RDH8: variants seen among roughly 807,000 people sequenced by gnomAD.
RDH8 encodes the protein retinol dehydrogenase 8.
A neutral mutation model predicts 22.3 loss-of-function variants in RDH8; 14 were observed. The ratio of observed to expected loss-of-function variants is 0.63; its 90% CI spans 0.42 to 0.98. RDH8 has a LOEUF of 0.98. Among genes scored for constraint, RDH8 ranks in the 50% least tolerant of loss-of-function variants. The pLI is 0.00. For missense variants in RDH8, 389 were observed against 409.8 expected (o/e 0.95, Z 0.44); for synonymous variants, 175 against 171.7 (o/e 1.02, Z -0.15).
chr19:10,020,362 A>AGCGAGGG (rs372028191), intron 3 of RDH8, among the ~76,000 whole-genome samples: 2 of 121,766 alleles, frequency 1.6e-5, no homozygotes, highest in Admixed American at 8.9e-5. Context: ...GGGAGGGAGG[A>AGCGAGGG]AGGAAGGAAG....
chr19:10,021,385 G>A lies in RDH8; in HGVS notation c.667G>A (p.Ala223Thr), dbSNP rs1482411848. 21 of 1,613,958 alleles carry A rather than the reference G, an allele frequency of 1.3e-5. No individual in the cohort carries two copies. The highest frequency in any genetic ancestry group is 1.7e-5 in the Non-Finnish European group (20 of 1,180,032). ...LHYFRDLYLP[A>T]SRKLFCSVGQ... ...CTACTTCCGGGACCTCTATCTCCCA[G>A]CCTCCAGGAAGCTGTTTTGCTCCGT... Residue 223 changes from alanine (A) to threonine (T), a missense_variant, in exon 5 of 6, where the codon GCC becomes ACC. By Grantham distance (58) the Ala-to-Thr change is moderately conservative. Transcript: ENST00000591589.
chr19:10,021,190 A>AAAT, intron 4 of RDH8, 65 bp from the exon 5 acceptor site: 30 of 1,439,150 alleles, frequency 2.1e-5, no homozygotes, highest in Admixed American at 4.3e-5. Flanking sequence ...AAAAAAAAAA[A>AAAT]TGGACAAAAT....
At position 10,018,719 on chromosome 19, in the gene RDH8, C is replaced by T. The variant is rs779082211; in HGVS notation, c.263-12C>T. ...GGGACTTTAAGGTAACCCTTAGTAC[C>T]TCTTCTCTTAGTGAATAATGCTGGA... On this transcript the variant is annotated splice_polypyrimidine_tract_variant and intron_variant, in intron 2 of 5. Coordinates refer to ENST00000591589, the MANE Select transcript of RDH8 (RefSeq NM_015725.4). 3.5e-5 allele frequency: 56 copies of T among 1,589,074 alleles called. No homozygotes were observed. The highest frequency in any genetic ancestry group is 4.5e-5 in the Non-Finnish European group (52 of 1,164,604).
intron 3 of RDH8, among the ~76,000 whole-genome samples, chr19:10,019,591 G>C (rs2087642977): frequency 6.6e-6 from 1 of 152,010 alleles, no homozygotes; most frequent in Non-Finnish European, 1.5e-5. Flanking sequence ...CCAAGATCAG[G>C]AGTTCAAGAC....
In RDH8 at chr19:10,017,199, A is replaced by G. The variant is rs774041908; in HGVS notation, c.246A>G (p.Gly82=). The G allele has an allele frequency of 4.4e-6, 7 of 1,598,460 alleles. No individual in the cohort carries two copies. The Admixed American group carries it at 1.0e-4, about 23-fold the overall frequency. The change falls in exon 2 of 6, where the codon GGA becomes GGG. Residue 82 remains glycine, a synonymous_variant. Coordinates refer to ENST00000591589, the MANE Select transcript of RDH8 (RefSeq NM_015725.4). ...SVAQCLSCIQ[G]EVDVLVNNAG... ...CCCAGTGTCTCAGCTGTATCCAGGGAGAAGTGGACGTGCTGGGTGAGACTT... is the reference window on the plus strand; with the variant it reads ...CCCAGTGTCTCAGCTGTATCCAGGGGGAAGTGGACGTGCTGGGTGAGACTT...
At chr19:10,018,642 G>A in intron 2 of RDH8, 89 bp from the exon 3 acceptor site, 1 of 1,074,456 alleles carries the variant, frequency 9.3e-7, no homozygotes, top group Non-Finnish European at 1.3e-6. Context: ...TGGACTTGGA[G>A]TACGGGGTGA....
chr19:10,020,787 TGC>T lies in RDH8; in HGVS notation c.522_523del (p.Gln175ValfsTer18). The T allele has an allele frequency of 6.2e-7, 1 of 1,608,972 alleles. No homozygotes were observed. ...TTCGAAAGCCTCGCTATCCAGCTGCTGCAGTTCAACATCTTGTGAGGCGGGCA... is the reference window on the plus strand; with the variant it reads ...TTCGAAAGCCTCGCTATCCAGCTGCTAGTTCAACATCTTGTGAGGCGGGCA... On this transcript the variant is annotated frameshift_variant, in exon 4 of 6. Transcript: ENST00000591589. LOFTEE classifies it high-confidence loss of function.
chr19:10,013,731 C>T (rs2087587845), intron 1 of RDH8, 131 bp downstream of exon 1: 1 of 860,636 alleles, frequency 1.2e-6, no homozygotes. Context: ...AGGAATCATC[C>T]CCTCATCCTA....
At position 10,021,428 on chromosome 19, in the gene RDH8, A is replaced by ACGTG. The variant is rs1274011083; in HGVS notation, c.711_714dup (p.Val239ArgfsTer86). On this transcript the variant is annotated frameshift_variant, in exon 5 of 6. Transcript: ENST00000591589. LOFTEE classifies it low-confidence loss of function (END_TRUNC). Reference sequence around the variant, plus strand: ...TGCTCCGTGGGACAGAACCCACAGGACGTGGTTCAGGTGAGTGAAGGGCCC... The same window carrying ACGTG: ...TGCTCCGTGGGACAGAACCCACAGGACGTGCGTGGTTCAGGTGAGTGAAGGGCCC... 1 of 1,614,084 alleles carries ACGTG rather than the reference A, an allele frequency of 6.2e-7. No individual in the cohort carries two copies. The highest frequency in any genetic ancestry group is 1.7e-5 in the Admixed American group (1 of 60,002).
At chr19:10,018,259 T>A (rs1054217639) in intron 2 of RDH8, among the ~76,000 whole-genome samples, 2 of 152,174 alleles carry the variant, frequency 1.3e-5, no homozygotes, top group East Asian at 1.9e-4. Context: ...ATCAATTTTT[T>A]TAAAAAACAA....
intron 3 of RDH8, among the ~76,000 whole-genome samples, chr19:10,020,316 A>G (rs953746682): frequency 6.1e-5 from 8 of 131,608 alleles, no homozygotes; most frequent in Admixed American, 8.0e-5. Flanking sequence ...GAAAAAGAAA[A>G]AGAGAGAGAG....
intron 1 of RDH8, among the ~76,000 whole-genome samples, chr19:10,014,861 C>T (rs2087598009): frequency 6.6e-6 from 1 of 152,076 alleles, no homozygotes; most frequent in Non-Finnish European, 1.5e-5. Context: ...AATGAGGAAA[C>T]TAAGGTGCAG....
At chr19:10,016,755 A>G (rs574639446) in intron 1 of RDH8, among the ~76,000 whole-genome samples, 60 of 152,242 alleles carry the variant, frequency 3.9e-4, no homozygotes, top group Middle Eastern at 6.8e-3. Flanking sequence ...TACAGGCTTG[A>G]GCCACCACAC....
At chr19:10,014,546 A>G (rs2087594777) in intron 1 of RDH8, among the ~76,000 whole-genome samples, 2 of 151,870 alleles carry the variant, frequency 1.3e-5, no homozygotes, top group Admixed American at 6.6e-5. Flanking sequence ...TTATTTTATT[A>G]TTTATTTATT....
chr19:10,015,172 C>T (rs889893635), intron 1 of RDH8, among the ~76,000 whole-genome samples: 1 of 152,168 alleles, frequency 6.6e-6, no homozygotes, highest in Non-Finnish European at 1.5e-5. Flanking sequence ...AAGCTTGAGG[C>T]TGGGCACAGT....
intron 1 of RDH8, among the ~76,000 whole-genome samples, chr19:10,016,355 CCA>C (rs1334351722): frequency 2.0e-5 from 3 of 148,026 alleles, no homozygotes; most frequent in Middle Eastern, 3.4e-3. Context: ...CGGGGTTTCA[CCA>C]TGTTAGCCAG....
Position 10,020,363 on chromosome 19 carries a change from AG to A in RDH8, c.443-344del, listed in dbSNP as rs1410664990. 6.2e-5 allele frequency among the ~76,000 whole-genome samples: 9 copies of A among 144,768 alleles called. 1 individual carries two copies. Among genetic ancestry groups the A allele is most frequent in the South Asian group, 2.3e-4 (1 of 4,256 alleles). 95.0% of individuals were successfully genotyped at this position (144,768 alleles called of 152,430 possible). A position where few individuals can be genotyped will look rare whatever the true frequency, so the allele number is the denominator to read the frequency against. ...GAAGGAGGGAGGGAGGGAGGGAGGA[AG>A]GAAGGAAGGGAGGGAGGAAGAGAGA... is the stretch of plus-strand genomic sequence containing the variant. On this transcript the variant is annotated intron_variant, in intron 3 of 5. Coordinates refer to ENST00000591589, the MANE Select transcript of RDH8 (RefSeq NM_015725.4).
intron 3 of RDH8, among the ~76,000 whole-genome samples, chr19:10,019,792 ACT>A (rs890544890): frequency 2.0e-5 from 3 of 150,260 alleles, no homozygotes; most frequent in Non-Finnish European, 4.4e-5. Context: ...CAAGAGCAAG[ACT>A]CTGTCTAAAA....
At position 10,014,125 on chromosome 19, in the gene RDH8, C is replaced by T. The variant is rs1430204376; in HGVS notation, c.103+525C>T. On this transcript the variant is annotated intron_variant, in intron 1 of 5. Coordinates refer to ENST00000591589, the MANE Select transcript of RDH8 (RefSeq NM_015725.4). ...ATGGCCTTCTAGTTCTAAGAACTTG[C>T]CCTTCTGCACCTCTAGAATAAATCC... Among the ~76,000 whole-genome samples, 6 of 152,288 alleles carry T rather than the reference C, an allele frequency of 3.9e-5. No individual in the cohort carries two copies. In the South Asian group the frequency reaches 1.2e-3, roughly 32 times the overall value.
Sources: gnomAD v4.1 joint callset for allele counts (sites outside exome capture counted in the v4.1 genomes callset) on GRCh38, gnomAD v4.1.1 for gene constraint, MANE v1.5 for transcripts, NCBI Gene and HGNC (gene_info 2026-07-23, HGNC 2026-07-21) for gene names.